WWOX: variants seen among roughly 807,000 people sequenced by gnomAD.
WWOX encodes the protein WW domain-containing oxidoreductase.
In WWOX, 69 loss-of-function variants were observed where a neutral mutation model predicts 46.2. The ratio of observed to expected loss-of-function variants is 1.49; its 90% CI spans 1.23 to 1.82. WWOX has a LOEUF of 1.82. Ranked by LOEUF, WWOX falls within the 40% of genes most tolerant of loss-of-function variation. The pLI is 0.00. For synonymous variants in WWOX, 359 were observed against 202.6 expected (o/e 1.77, Z -6.56); for missense variants, 919 against 542.6 (o/e 1.69, Z -6.89).
At chr16:78,635,952 A>C (rs980099337) in intron 8 of WWOX, among the ~76,000 whole-genome samples, 1 of 152,232 alleles carries the variant, frequency 6.6e-6, no homozygotes, top group Admixed American at 6.5e-5. Flanking sequence ...GTGGAAGTAC[A>C]GAGGAAGCCT....
chr16:78,692,984 T>A (rs1183493452), intron 8 of WWOX, among the ~76,000 whole-genome samples: 1 of 152,218 alleles, frequency 6.6e-6, no homozygotes, highest in East Asian at 1.9e-4. Context: ...TGCCTTTTGC[T>A]ATGGGGTTGC....
intron 6 of WWOX, among the ~76,000 whole-genome samples, chr16:78,406,187 CTAT>C (rs1216140994): frequency 6.6e-6 from 1 of 150,658 alleles, no homozygotes; most frequent in African/African-American, 2.4e-5. Flanking sequence ...CGTCAGTTTA[CTAT>C]TATTTAATGT....
At chr16:78,358,909 T>A (rs1319941367) in intron 5 of WWOX, among the ~76,000 whole-genome samples, 1 of 144,684 alleles carries the variant, frequency 6.9e-6, no homozygotes, top group Non-Finnish European at 1.5e-5. Context: ...TGGCCATGTT[T>A]CTATGTCAAT....
intron 5 of WWOX, among the ~76,000 whole-genome samples, chr16:78,270,982 C>T (rs921774005): frequency 6.6e-6 from 1 of 152,112 alleles, no homozygotes; most frequent in East Asian, 1.9e-4. Flanking sequence ...CCTCATCTTA[C>T]AAATGAATCA....
chr16:78,540,618 T>A (rs2043868760), intron 8 of WWOX, among the ~76,000 whole-genome samples: 1 of 152,156 alleles, frequency 6.6e-6, no homozygotes, highest in African/African-American at 2.4e-5. Flanking sequence ...CACCCTGGGC[T>A]TGTTAGCTCC....
chr16:78,529,469 G>T (rs773172120), intron 8 of WWOX, among the ~76,000 whole-genome samples: 4 of 151,400 alleles, frequency 2.6e-5, no homozygotes, highest in African/African-American at 7.3e-5. Context: ...AATGTTTTTC[G>T]TTTTTTTTAT....
intron 8 of WWOX, among the ~76,000 whole-genome samples, chr16:79,072,127 G>C (rs1390145148): frequency 1.3e-5 from 2 of 152,002 alleles, no homozygotes; most frequent in African/African-American, 2.4e-5. Flanking sequence ...TACAAAAAAA[G>C]AAAAATAAAT....
chr16:78,938,321 T>G (rs2045784294), intron 8 of WWOX, among the ~76,000 whole-genome samples: 1 of 152,164 alleles, frequency 6.6e-6, no homozygotes, highest in Non-Finnish European at 1.5e-5. Flanking sequence ...GGACCATCCT[T>G]CAGAGCTTGG....
At chr16:79,134,761 C>T (rs1439311762) in intron 8 of WWOX, among the ~76,000 whole-genome samples, 2 of 152,142 alleles carry the variant, frequency 1.3e-5, no homozygotes, top group Admixed American at 1.3e-4. Context: ...AGTACTTAGC[C>T]AGGGGATTTA....
intron 5 of WWOX, among the ~76,000 whole-genome samples, chr16:78,381,838 AG>A (rs1002733952): frequency 1.3e-5 from 2 of 152,096 alleles, no homozygotes; most frequent in African/African-American, 2.4e-5. Flanking sequence ...ATGGAAGGCT[AG>A]CAGTTTATTT....
chr16:78,702,509 G>T (rs149436281), intron 8 of WWOX, among the ~76,000 whole-genome samples: 6 of 151,724 alleles, frequency 4.0e-5, no homozygotes, highest in African/African-American at 1.5e-4. Flanking sequence ...AAATTAGCCA[G>T]GCACAGTGGC....
At chr16:78,292,406 A>G (rs949992899) in intron 5 of WWOX, among the ~76,000 whole-genome samples, 14 of 152,222 alleles carry the variant, frequency 9.2e-5, no homozygotes, top group African/African-American at 3.1e-4. Flanking sequence ...GTTTCCAAAC[A>G]TGTTTGAATG....
chr16:78,140,370 A>G (rs930919513), intron 4 of WWOX, among the ~76,000 whole-genome samples: 1 of 152,154 alleles, frequency 6.6e-6, no homozygotes, highest in East Asian at 1.9e-4. Flanking sequence ...CTGCTGTGGT[A>G]TTAGTTTTCT....
At chr16:78,328,322 G>A (rs990807414) in intron 5 of WWOX, among the ~76,000 whole-genome samples, 2 of 152,116 alleles carry the variant, frequency 1.3e-5, no homozygotes, top group African/African-American at 2.4e-5. Context: ...TGATGTTTGG[G>A]TATATGTTAA....
At chr16:78,388,124 G>A (rs915703888) in intron 6 of WWOX, among the ~76,000 whole-genome samples, 4 of 152,214 alleles carry the variant, frequency 2.6e-5, no homozygotes, top group South Asian at 2.1e-4. Context: ...GTCCCACTGT[G>A]GGCCCAAGTG....
At chr16:78,413,539 G>A (rs563500173) in intron 6 of WWOX, among the ~76,000 whole-genome samples, 8 of 152,220 alleles carry the variant, frequency 5.3e-5, no homozygotes, top group East Asian at 2.0e-4. Context: ...TACAAAGTAC[G>A]TTGATCAGTT....
At chr16:78,278,557 C>T (rs1010326427) in intron 5 of WWOX, 9 of 1,566,322 alleles carry the variant, frequency 5.7e-6, no homozygotes, top group Non-Finnish European at 7.9e-6. Context: ...CTATGTTGTT[C>T]TCATAACTTA....
chr16:79,012,376 G>A (rs187116248), intron 8 of WWOX, among the ~76,000 whole-genome samples: 1 of 152,208 alleles, frequency 6.6e-6, no homozygotes, highest in Non-Finnish European at 1.5e-5. Flanking sequence ...GAGATTACAG[G>A]TGTCTGCCAC....
chr16:78,762,875 A>G (rs2049827684), intron 8 of WWOX, among the ~76,000 whole-genome samples: 1 of 152,136 alleles, frequency 6.6e-6, no homozygotes, highest in African/African-American at 2.4e-5. Context: ...ACTTTGAAGG[A>G]CTCATGGTAG....
Sources: allele counts gnomAD v4.1 joint callset (sites outside exome capture counted in the v4.1 genomes callset), GRCh38; gene constraint gnomAD v4.1.1; transcripts MANE v1.5; gene names NCBI Gene and HGNC (gene_info 2026-07-23, HGNC 2026-07-21).